SV2C: variants seen among roughly 807,000 people sequenced by gnomAD.
SV2C encodes the protein solute carrier family 22 member B3.
In SV2C, 49 loss-of-function variants were observed where a neutral mutation model predicts 79.7. That is an observed-to-expected ratio of 0.61 (90% CI 0.49 to 0.78). The LOEUF (loss-of-function observed/expected upper bound fraction) is 0.78. Ranked by LOEUF, SV2C falls within the 30% of genes least tolerant of loss-of-function variation. The pLI, the probability that SV2C is intolerant of heterozygous loss-of-function variation, is 0.00. For missense variants in SV2C, 833 were observed against 912.9 expected (o/e 0.91, Z 1.13); for synonymous variants, 334 against 333.2 (o/e 1.00, Z -0.03).
intron 2 of SV2C, among the ~76,000 whole-genome samples, chr5:76,171,551 C>A (rs1452534864): frequency 7.0e-6 from 1 of 143,554 alleles, no homozygotes; most frequent in African/African-American, 2.5e-5. Context: ...CGGCAGCCAC[C>A]CCATCTGGGA....
At chr5:76,292,847 C>T (rs746892756) in intron 8 of SV2C, among the ~76,000 whole-genome samples, 2 of 152,114 alleles carry the variant, frequency 1.3e-5, no homozygotes, top group African/African-American at 2.4e-5. Flanking sequence ...TGTGTGTGTA[C>T]AACTCTATTG....
chr5:76,016,478 A>G, the SV2C span, among the ~76,000 whole-genome samples: 1 of 151,982 alleles, frequency 6.6e-6, no homozygotes, highest in African/African-American at 2.4e-5. Context: ...AGAATGTGAG[A>G]GAGCAAAAAC....
intron 4 of SV2C, among the ~76,000 whole-genome samples, chr5:76,218,241 G>A (rs1169264477): frequency 6.6e-6 from 1 of 152,040 alleles, no homozygotes; most frequent in African/African-American, 2.4e-5. Flanking sequence ...ATTGCTGTAC[G>A]ATCACATTAC....
chr5:76,309,563 G>A (rs1312028504), intron 12 of SV2C, among the ~76,000 whole-genome samples: 4 of 132,332 alleles, frequency 3.0e-5, no homozygotes, highest in African/African-American at 1.2e-4. Context: ...TCGCACCACT[G>A]TGCTCCAGCC....
At chr5:76,086,674 T>C (rs1190182032) in intron 1 of SV2C, among the ~76,000 whole-genome samples, 2 of 152,208 alleles carry the variant, frequency 1.3e-5, no homozygotes, top group Non-Finnish European at 2.9e-5. Context: ...CCACATTGTT[T>C]TCAATCTCTG....
chr5:75,895,686 G>C, the SV2C span, among the ~76,000 whole-genome samples: 3 of 152,090 alleles, frequency 2.0e-5, no homozygotes, highest in Non-Finnish European at 4.4e-5. Context: ...TTTTGGAGGT[G>C]TGGGCCTCAT....
intron 4 of SV2C, among the ~76,000 whole-genome samples, chr5:76,265,325 G>T (rs1405606702): frequency 6.6e-6 from 1 of 152,134 alleles, no homozygotes; most frequent in Admixed American, 6.5e-5. Context: ...AGTGTCCCAG[G>T]TGGACTTCAG....
In SV2C at chr5:76,173,057, A is replaced by T. The variant is rs1194866083; in HGVS notation, c.581-21862A>T. Among the ~76,000 whole-genome samples, 23 of 104,396 alleles carry T rather than the reference A, an allele frequency of 2.2e-4. 2 individuals carry two copies. The highest frequency in any genetic ancestry group is 9.9e-4 in the East Asian group (3 of 3,030). 68.5% of individuals were successfully genotyped at this position (104,396 alleles called of 152,430 possible). On this transcript the variant is annotated intron_variant, in intron 2 of 12. Coordinates refer to ENST00000502798, the MANE Select transcript of SV2C (RefSeq NM_014979.4). ...AGAATTATCAATAAAAAAATAAATT[A>T]AAAAAAAATACAAAAAAAAAAAAAT...
the SV2C span, among the ~76,000 whole-genome samples, chr5:76,024,462 C>T: frequency 6.6e-5 from 10 of 152,174 alleles, no homozygotes; most frequent in Non-Finnish European, 1.3e-4. Flanking sequence ...GAAACCAATT[C>T]ATATCCTTTG....
chr5:76,133,402 A>G (rs185204875), intron 2 of SV2C, among the ~76,000 whole-genome samples: 2 of 152,392 alleles, frequency 1.3e-5, no homozygotes, highest in Admixed American at 1.3e-4. Flanking sequence ...AAGTAATGTT[A>G]TTATCATTGA....
the SV2C span, among the ~76,000 whole-genome samples, chr5:76,030,266 G>GGTTTT: frequency 9.4e-5 from 3 of 31,950 alleles, no homozygotes; most frequent in African/African-American, 4.4e-4. Flanking sequence ...TCAGAGGCTT[G>GGTTTT]TTTTTTTTTT....
rs186205338 is a variant in SV2C at position 76,258,532 on chromosome 5, A to G, written c.914-26630A>G. 1.1e-4 allele frequency among the ~76,000 whole-genome samples: 16 copies of G among 152,338 alleles called. No individual in the cohort carries two copies. In the East Asian group the frequency reaches 2.5e-3, roughly 24 times the overall value. ...CAGATGGAAATGAATCCTTACAACC[A>G]GTTGAAATAGTGCGAAATCCACAGC... On this transcript the variant is annotated intron_variant, in intron 4 of 12. Coordinates refer to ENST00000502798, the MANE Select transcript of SV2C (RefSeq NM_014979.4).
the SV2C span, among the ~76,000 whole-genome samples, chr5:75,967,239 C>T: frequency 0.12 from 17,900 of 152,028 alleles, 3,044 homozygotes; most frequent in African/African-American, 0.38. Context: ...AGCTCCAGTC[C>T]ACAGCTGACA....
the SV2C span, among the ~76,000 whole-genome samples, chr5:75,869,933 C>T: frequency 6.6e-6 from 1 of 152,176 alleles, no homozygotes; most frequent in Non-Finnish European, 1.5e-5. Context: ...GTCTGCAAAA[C>T]CACAGCGTTT....
chr5:76,124,440 A>C (rs2112169743), intron 1 of SV2C, among the ~76,000 whole-genome samples: 2 of 152,200 alleles, frequency 1.3e-5, no homozygotes, highest in East Asian at 3.9e-4. Context: ...CATGTTTCAG[A>C]ATTTCCTTCT....
At chr5:76,179,678 G>T (rs1452435825) in intron 2 of SV2C, among the ~76,000 whole-genome samples, 2 of 152,202 alleles carry the variant, frequency 1.3e-5, no homozygotes, top group Non-Finnish European at 2.9e-5. Context: ...AATCTCAAGT[G>T]TCAAGAAGTG....
At chr5:75,952,543 G>A in the SV2C span, among the ~76,000 whole-genome samples, 1 of 151,856 alleles carries the variant, frequency 6.6e-6, no homozygotes, top group East Asian at 1.9e-4. Flanking sequence ...GAGCCCTCAT[G>A]AATGGCTTAG....
the SV2C span, among the ~76,000 whole-genome samples, chr5:75,978,645 A>G: frequency 6.6e-6 from 1 of 152,204 alleles, no homozygotes; most frequent in African/African-American, 2.4e-5. Context: ...GATTATTAAT[A>G]ATTTAGTTCA....
At chr5:75,892,632 T>C in the SV2C span, among the ~76,000 whole-genome samples, 1 of 152,140 alleles carries the variant, frequency 6.6e-6, no homozygotes, top group Non-Finnish European at 1.5e-5. Context: ...CCCAGCTTTA[T>C]GTCCATGTGT....
Sources: gnomAD v4.1 joint callset for allele counts (sites outside exome capture counted in the v4.1 genomes callset) on GRCh38, gnomAD v4.1.1 for gene constraint, MANE v1.5 for transcripts, NCBI Gene and HGNC (gene_info 2026-07-23, HGNC 2026-07-21) for gene names.